Variants in MYPN observed in about 807,000 individuals in gnomAD.
MYPN encodes the protein myopalladin, also known as sarcomeric protein myopalladin, 145 kDa (MYOP).
MYPN carries 63 observed loss-of-function variants against 129.4 expected under a neutral mutation model. The observed-to-expected ratio is 0.49, with a 90% CI of 0.40 to 0.60. MYPN has a LOEUF of 0.60. Among genes scored for constraint, MYPN ranks in the 20% least tolerant of loss-of-function variants. The probability of loss-of-function intolerance (pLI) is 0.00; values close to 1 mark genes in which losing one functional copy is unlikely to be tolerated. For synonymous variants in MYPN, 629 were observed against 600.9 expected, an observed-to-expected ratio of 1.05 and a Z score of -0.68; for missense variants, 1,596 against 1,635.4, an observed-to-expected ratio of 0.98 and a Z score of 0.42.
At chr10:68,186,223 CT>C (rs947349601) in intron 12 of MYPN, among the ~76,000 whole-genome samples, 2 of 151,996 alleles carry the variant, frequency 1.3e-5, no homozygotes, top group South Asian at 2.1e-4. Context: ...TGTGTACTTA[CT>C]TTTTTTTACC....
chr10:68,113,764 T>C (rs1409406336), intron 1 of MYPN, among the ~76,000 whole-genome samples: 2 of 152,126 alleles, frequency 1.3e-5, no homozygotes, highest in Non-Finnish European at 2.9e-5. Flanking sequence ...GAAGGTTTAA[T>C]TGACAAATTA....
At chr10:68,205,014 C>T (rs1185515268) in intron 18 of MYPN, among the ~76,000 whole-genome samples, 1 of 152,122 alleles carries the variant, frequency 6.6e-6, no homozygotes, top group Non-Finnish European at 1.5e-5. Flanking sequence ...AGTTTCCACT[C>T]GACCTTTGAG....
At chr10:68,205,447 G>A (rs2043797806) in intron 18 of MYPN, among the ~76,000 whole-genome samples, 1 of 151,846 alleles carries the variant, frequency 6.6e-6, no homozygotes, top group African/African-American at 2.4e-5. Context: ...GGGAGGCTGA[G>A]GAGGGTGGAT....
At chr10:68,137,852 A>G (rs763280492) in intron 2 of MYPN, among the ~76,000 whole-genome samples, 6 of 152,064 alleles carry the variant, frequency 3.9e-5, no homozygotes, top group Non-Finnish European at 4.4e-5. Flanking sequence ...TTTGTCTATC[A>G]TTTGTTCTTT....
At chr10:68,117,390 A>G (rs1227245554) in intron 1 of MYPN, among the ~76,000 whole-genome samples, 1 of 152,140 alleles carries the variant, frequency 6.6e-6, no homozygotes, top group Non-Finnish European at 1.5e-5. Flanking sequence ...AATACACTTC[A>G]TATATTGTGA....
Position 68,174,165 on chromosome 10 carries a change from C to G in MYPN, c.2073C>G (p.Ser691Arg). 1 of 1,614,056 alleles carries G rather than the reference C, an allele frequency of 6.2e-7. No homozygotes were observed. Among genetic ancestry groups the G allele is most frequent in the Admixed American group, 1.7e-5 (1 of 60,014 alleles). ...CATCTCCTAAGGAGTTTCCTTTCAG[C>G]ATGACTGTTTTGAACTCCAATGCTC... The part of the protein sequence containing the change: ...PPSSPKEFPF[S>R]MTVLNSNAPP... Residue 691 changes from serine (S) to arginine (R), a missense_variant, in exon 11 of 20, where the codon AGC (serine) becomes AGG (arginine). Ser to Arg is a moderately radical substitution (Grantham distance 110). Transcript: ENST00000358913.
In MYPN at chr10:68,093,240, A is replaced by T. The variant is rs16925087; in HGVS notation, c.-2+5248A>T. 3.3e-3 allele frequency among the ~76,000 whole-genome samples: 506 copies of T among 152,058 alleles called. 17 individuals are homozygous for T. Among genetic ancestry groups the T allele is most frequent in the Admixed American group, 0.022 (334 of 15,264 alleles). ...CATCCCAACCTTGAAAAGATTAGAA[A>T]CCAGTGCTTTTGACCTTGGTAAGTT... On this transcript the variant is annotated intron_variant, in intron 1 of 6. Coordinates refer to the MYPN transcript ENST00000685154.
chr10:68,111,829 G>A (rs765867835), intron 1 of MYPN, among the ~76,000 whole-genome samples: 2 of 152,186 alleles, frequency 1.3e-5, no homozygotes, highest in Non-Finnish European at 2.9e-5. Context: ...GCCCAATAGA[G>A]CCTCCCAACA....
rs922438097 is a variant in MYPN, at chr10:68,151,695, C to T, written c.1317+1584C>T. On this transcript the variant is annotated intron_variant, in intron 6 of 19. Coordinates refer to ENST00000358913, the MANE Select transcript of MYPN (RefSeq NM_032578.4). Reference sequence around the variant, plus strand: ...CAGCTAAACCACAAGATAGTTTATACTCAGTCTCAGCTAAAGTCTCCCCCT... The same window carrying T: ...CAGCTAAACCACAAGATAGTTTATATTCAGTCTCAGCTAAAGTCTCCCCCT... Among the ~76,000 whole-genome samples the T allele has an allele frequency of 4.6e-5, 7 of 152,300 alleles. No homozygotes were observed. In the South Asian group the frequency reaches 8.3e-4, roughly 18 times the overall value.
chr10:68,128,261 T>G (rs186551624), intron 2 of MYPN, among the ~76,000 whole-genome samples: 166 of 152,340 alleles, frequency 1.1e-3, no homozygotes, highest in African/African-American at 3.8e-3. Flanking sequence ...TCCCCAGGAA[T>G]GTACAGCTGG....
intron 2 of MYPN, among the ~76,000 whole-genome samples, chr10:68,137,379 A>T (rs1266212584): frequency 6.6e-6 from 1 of 152,206 alleles, no homozygotes; most frequent in Non-Finnish European, 1.5e-5. Context: ...CTTTTCAGGA[A>T]ATTGTGGCTA....
chr10:68,207,310 G>A (rs994019865), intron 19 of MYPN, among the ~76,000 whole-genome samples: 6 of 152,032 alleles, frequency 3.9e-5, no homozygotes, highest in African/African-American at 1.2e-4. Flanking sequence ...AAATGAATCG[G>A]GTAGACTATA....
chr10:68,169,800 C>T (rs543811701), intron 10 of MYPN, among the ~76,000 whole-genome samples: 8 of 151,510 alleles, frequency 5.3e-5, no homozygotes, highest in South Asian at 2.1e-4. Context: ...AGTGCACTGG[C>T]GTGATCTCAG....
chr10:68,135,839 G>A (rs980489989), intron 2 of MYPN, among the ~76,000 whole-genome samples: 2 of 152,004 alleles, frequency 1.3e-5, no homozygotes, highest in African/African-American at 2.4e-5. Context: ...AAGGAAGAGA[G>A]ACACTAAAAC....
intron 1 of MYPN, among the ~76,000 whole-genome samples, chr10:68,097,113 A>G (rs1380744906): frequency 1.3e-5 from 2 of 152,336 alleles, no homozygotes; most frequent in East Asian, 3.9e-4. Flanking sequence ...ATTCAGAAGC[A>G]TATGGTTCAG....
chr10:68,091,127 C>T (rs544689283), intron 1 of MYPN, among the ~76,000 whole-genome samples: 65 of 152,148 alleles, frequency 4.3e-4, no homozygotes, highest in Non-Finnish European at 8.5e-4. Context: ...TTTTAAAAAA[C>T]TAAACTGAAA....
intron 1 of MYPN, among the ~76,000 whole-genome samples, chr10:68,117,722 G>A (rs927070736): frequency 2.0e-5 from 3 of 151,894 alleles, no homozygotes; most frequent in Non-Finnish European, 4.4e-5. Context: ...CACTTCACTA[G>A]TTCTGCCTCC....
intron 1 of MYPN, among the ~76,000 whole-genome samples, chr10:68,099,741 G>C (rs867248401): frequency 7.9e-5 from 12 of 152,240 alleles, no homozygotes; most frequent in Middle Eastern, 3.4e-3. Context: ...TCTTTGACTA[G>C]TGAGAGATAG....
At chr10:68,154,786 T>C (rs977209143) in intron 6 of MYPN, among the ~76,000 whole-genome samples, 6 of 152,238 alleles carry the variant, frequency 3.9e-5, no homozygotes, top group African/African-American at 1.4e-4. Flanking sequence ...TTTGTGGTTA[T>C]AGATCTACTA....
Sources: gnomAD v4.1 joint callset for allele counts (sites outside exome capture counted in the v4.1 genomes callset) on GRCh38, gnomAD v4.1.1 for gene constraint, MANE v1.5 for transcripts, NCBI Gene and HGNC (gene_info 2026-07-23, HGNC 2026-07-21) for gene names.